SV2C: variants seen among roughly 807,000 people sequenced by gnomAD.
SV2C encodes synaptic vesicle glycoprotein 2C, also known as solute carrier family 22 member B3.
In SV2C, 49 loss-of-function variants were observed where a neutral mutation model predicts 79.7. The observed-to-expected ratio is 0.61, with a 90% CI of 0.49 to 0.78. SV2C has a LOEUF of 0.78. Ranked by LOEUF, SV2C falls within the 30% of genes least tolerant of loss-of-function variation. The pLI is 0.00. For synonymous variants in SV2C, 334 were observed against 333.2 expected (o/e 1.00, Z -0.03); for missense variants, 833 against 912.9 (o/e 0.91, Z 1.13).
chr5:76,065,065 T>C, the SV2C span, among the ~76,000 whole-genome samples: 1 of 152,308 alleles, frequency 6.6e-6, no homozygotes, highest in East Asian at 1.9e-4. Context: ...CATTTTTAGC[T>C]TCGCTGGAAA....
the SV2C span, among the ~76,000 whole-genome samples, chr5:76,013,030 A>G: frequency 6.6e-6 from 1 of 152,178 alleles, no homozygotes; most frequent in African/African-American, 2.4e-5. Context: ...GTTTGAAGTC[A>G]GAGAGCATGA....
At chr5:76,055,173 G>A in the SV2C span, among the ~76,000 whole-genome samples, 1 of 152,140 alleles carries the variant, frequency 6.6e-6, no homozygotes, top group Non-Finnish European at 1.5e-5. Context: ...GTTAATTTTT[G>A]TGTAAGGTGT....
chr5:76,044,476 G>A, the SV2C span, among the ~76,000 whole-genome samples: 5 of 152,238 alleles, frequency 3.3e-5, no homozygotes, highest in South Asian at 1.0e-3. Flanking sequence ...GGTCTTTGAG[G>A]AATCGCCACA....
At chr5:76,305,464 T>G (rs1470609237) in intron 12 of SV2C, among the ~76,000 whole-genome samples, 2 of 152,194 alleles carry the variant, frequency 1.3e-5, no homozygotes, top group East Asian at 1.9e-4. Context: ...ATAAAAATTG[T>G]GTAATTCTTC....
chr5:76,110,358 T>C (rs1748061558), intron 1 of SV2C, among the ~76,000 whole-genome samples: 2 of 152,174 alleles, frequency 1.3e-5, no homozygotes, highest in Non-Finnish European at 2.9e-5. Context: ...CAGTATCACT[T>C]GGTACCTCCT....
chr5:76,029,109 C>T, the SV2C span, among the ~76,000 whole-genome samples: 1 of 152,014 alleles, frequency 6.6e-6, no homozygotes, highest in Non-Finnish European at 1.5e-5. Flanking sequence ...TTTTAAATTG[C>T]CAGAAAAAAT....
chr5:76,063,630 C>T, the SV2C span, among the ~76,000 whole-genome samples: 1 of 152,154 alleles, frequency 6.6e-6, no homozygotes, highest in East Asian at 1.9e-4. Flanking sequence ...TCCCAGAGGA[C>T]TTCCCGAAGG....
At chr5:76,266,080 A>G (rs1424474446) in intron 4 of SV2C, among the ~76,000 whole-genome samples, 2 of 152,262 alleles carry the variant, frequency 1.3e-5, no homozygotes, top group East Asian at 3.9e-4. Context: ...AGAAGGTGAG[A>G]GGAGCAACTA....
the SV2C span, among the ~76,000 whole-genome samples, chr5:76,036,961 T>C: frequency 6.6e-6 from 1 of 152,198 alleles, no homozygotes; most frequent in South Asian, 2.1e-4. Flanking sequence ...TTCTTTTTCC[T>C]CTAAACTTCC....
At chr5:75,971,059 A>G in the SV2C span, among the ~76,000 whole-genome samples, 3 of 152,098 alleles carry the variant, frequency 2.0e-5, no homozygotes, top group South Asian at 4.1e-4. Context: ...TATAAACAGA[A>G]CCAAAGACAA....
chr5:76,255,893 G>A (rs1746248634), intron 4 of SV2C, among the ~76,000 whole-genome samples: 1 of 152,278 alleles, frequency 6.6e-6, no homozygotes, highest in East Asian at 1.9e-4. Flanking sequence ...CCCTTCTGGG[G>A]GAAGAGGGCT....
chr5:76,291,266 A>T lies in SV2C; in HGVS notation c.1183A>T (p.Ile395Phe). Residue 395 changes from isoleucine (I) to phenylalanine (F), a missense_variant, in exon 7 of 13, where the codon ATT becomes TTT. Coordinates refer to ENST00000502798, the MANE Select transcript of SV2C (RefSeq NM_014979.4). ...TAAACAAATAGATGAGCTGATTGAA[A>T]TTGAGAGTGACACAGGAACATGGTA... ...TPKQIDELIE[I>F]ESDTGTWYRR... 6.2e-7 allele frequency: 1 copy of T among 1,613,434 alleles called. No individual in the cohort carries two copies.
intron 2 of SV2C, among the ~76,000 whole-genome samples, chr5:76,178,326 A>G (rs1743607724): frequency 6.6e-6 from 1 of 152,272 alleles, no homozygotes; most frequent in African/African-American, 2.4e-5. Flanking sequence ...TGTGTTGTAC[A>G]GTCACCAAAC....
chr5:75,862,454 G>GA, the SV2C span, among the ~76,000 whole-genome samples: 1 of 152,166 alleles, frequency 6.6e-6, no homozygotes, highest in Non-Finnish European at 1.5e-5. Context: ...TTTGGAATCA[G>GA]AAAAAATACA....
At chr5:76,350,007 G>T (rs192059521) in intron 12 of SV2C, among the ~76,000 whole-genome samples, 2 of 152,172 alleles carry the variant, frequency 1.3e-5, no homozygotes, top group Non-Finnish European at 2.9e-5. Context: ...CATTGCAAGC[G>T]CCTTAGCTTC....
At chr5:76,254,251 T>TAG (rs1434751921) in intron 4 of SV2C, among the ~76,000 whole-genome samples, 7 of 148,902 alleles carry the variant, frequency 4.7e-5, no homozygotes, top group South Asian at 2.1e-4. Context: ...TATATATATA[T>TAG]ATATATAGAG....
the SV2C span, among the ~76,000 whole-genome samples, chr5:75,968,703 G>C: frequency 6.6e-6 from 1 of 152,226 alleles, no homozygotes; most frequent in Non-Finnish European, 1.5e-5. Flanking sequence ...CGTCTGATTG[G>C]TGTACCTGAA....
intron 4 of SV2C, among the ~76,000 whole-genome samples, chr5:76,268,286 T>C (rs1746729141): frequency 6.6e-6 from 1 of 151,346 alleles, no homozygotes; most frequent in Non-Finnish European, 1.5e-5. Context: ...GAGAGGTGAG[T>C]TGTGATGGTG....
Position 76,332,012 on chromosome 5 carries a change from C to T in SV2C, c.*6465C>T, listed in dbSNP as rs185428190. The T allele has an allele frequency of 1.3e-5, 2 of 152,334 alleles. No homozygotes were observed. The highest frequency in any genetic ancestry group is 3.9e-4 in the East Asian group (2 of 5,178). The allele number at this position is 152,334 out of a possible 1,614,324, so 9.4% of individuals were successfully genotyped here. On this transcript the variant is annotated 3_prime_UTR_variant, in exon 13 of 13. Transcript: ENST00000502798. ...TGACTCCTGAAAGACCAGGATGTTC[C>T]TACCTGGGTTCTTGAGATTCATTGG...
Sources: allele counts gnomAD v4.1 joint callset (sites outside exome capture counted in the v4.1 genomes callset), GRCh38; gene constraint gnomAD v4.1.1; transcripts MANE v1.5; gene names NCBI Gene and HGNC (gene_info 2026-07-23, HGNC 2026-07-21).